Variants in DDX50 observed in about 807,000 individuals in gnomAD.
The protein encoded by DDX50 is ATP-dependent RNA helicase DDX50.
DDX50 carries 56 observed loss-of-function variants against 94.8 expected under a neutral mutation model. The observed-to-expected ratio is 0.59, with a 90% CI of 0.48 to 0.74. The LOEUF is 0.74. Ranked by LOEUF, DDX50 falls within the 30% of genes least tolerant of loss-of-function variation. DDX50 has a pLI of 0.00. For missense variants in DDX50, 713 were observed against 881.2 expected (o/e 0.81, Z 2.42); for synonymous variants, 264 against 295.4 (o/e 0.89, Z 1.09).
chr10:68,913,084 C>G (rs1351318027), intron 4 of DDX50, 78 bp from the exon 5 acceptor site: 5 of 1,192,690 alleles, frequency 4.2e-6, no homozygotes, highest in Non-Finnish European at 5.9e-6. Context: ...TTAAATGCAC[C>G]TAAAAAAAGT....
chr10:68,941,331 G>T lies in DDX50; in HGVS notation c.1890+137G>T, dbSNP rs371419912. Reference sequence around the variant, plus strand: ...TTTTTTCTCTGTTAGTTTGTTTCCAGTTATAAATTTGGGGCATTATATATG... The same window carrying T: ...TTTTTTCTCTGTTAGTTTGTTTCCATTTATAAATTTGGGGCATTATATATG... On this transcript the variant is annotated intron_variant, in intron 13 of 14. Transcript: ENST00000373585. The T allele has an allele frequency of 2.1e-5, 26 of 1,212,370 alleles. No homozygotes were observed. In the East Asian group the frequency reaches 5.2e-4, roughly 24 times the overall value. 75.1% of individuals were successfully genotyped at this position (1,212,370 alleles called of 1,614,324 possible). A position where few individuals can be genotyped will look rare whatever the true frequency, so the allele number is the denominator to read the frequency against.
Position 68,901,403 on chromosome 10 carries a change from T to TG in DDX50, c.25dup (p.Asp9GlyfsTer23), listed in dbSNP as rs868228457. 4 of 1,565,852 alleles carry TG rather than the reference T, an allele frequency of 2.6e-6. No homozygotes were observed. The highest frequency in any genetic ancestry group is 2.6e-6 in the Non-Finnish European group (3 of 1,156,048). On this transcript the variant is annotated frameshift_variant, in exon 1 of 15. Transcript: ENST00000373585. LOFTEE classifies it high-confidence loss of function. Reference sequence around the variant, plus strand: ...GCCAGTAATGCCTGGGAAACTCCTCTGGGGGGACATTATGGAGCTGGAAGC... The same window carrying TG: ...GCCAGTAATGCCTGGGAAACTCCTCTGGGGGGGACATTATGGAGCTGGAAGC...
intron 6 of DDX50, 61 bp downstream of exon 6, chr10:68,913,637 G>A (rs764510073): frequency 3.9e-4 from 579 of 1,489,930 alleles, no homozygotes; most frequent in Middle Eastern, 8.8e-4. Context: ...ATGCAAACGA[G>A]TTTTTATTTA....
chr10:68,928,473 C>T (rs1030894563), intron 8 of DDX50, among the ~76,000 whole-genome samples: 1 of 152,268 alleles, frequency 6.6e-6, no homozygotes, highest in East Asian at 1.9e-4. Context: ...GAGTTTAAAA[C>T]CAGCCTGGGC....
chr10:68,904,747 C>T (rs577892296), intron 1 of DDX50, among the ~76,000 whole-genome samples: 1 of 152,336 alleles, frequency 6.6e-6, no homozygotes, highest in South Asian at 2.1e-4. Context: ...GCAATTCAAG[C>T]CCCAAGGCTG....
At chr10:68,944,357 A>G (rs2132067121) in intron 14 of DDX50, among the ~76,000 whole-genome samples, 1 of 152,254 alleles carries the variant, frequency 6.6e-6, no homozygotes, top group East Asian at 1.9e-4. Context: ...TCTGTTGAAG[A>G]AGGAAGTTGT....
chr10:68,908,319 C>T (rs1229298962), intron 2 of DDX50, among the ~76,000 whole-genome samples: 8 of 151,784 alleles, frequency 5.3e-5, no homozygotes, highest in Admixed American at 2.0e-4. Flanking sequence ...GGTGTGGTGG[C>T]GCATGCCTGT....
intron 12 of DDX50, among the ~76,000 whole-genome samples, chr10:68,938,179 A>G (rs1448290333): frequency 1.3e-5 from 2 of 152,210 alleles, no homozygotes; most frequent in Non-Finnish European, 2.9e-5. Flanking sequence ...CAGAACCTAC[A>G]TTTCATTTTG....
At chr10:68,943,056 A>G (rs925719140) in intron 13 of DDX50, among the ~76,000 whole-genome samples, 157 bp from the exon 14 acceptor site, 9 of 152,224 alleles carry the variant, frequency 5.9e-5, no homozygotes, top group African/African-American at 2.2e-4. Flanking sequence ...GTAGATTCTT[A>G]GCAGTAGTTG....
intron 8 of DDX50, among the ~76,000 whole-genome samples, chr10:68,926,195 T>A (rs867080741): frequency 1.8e-4 from 25 of 139,428 alleles, no homozygotes; most frequent in South Asian, 7.2e-4. Flanking sequence ...ATAAATAAAA[T>A]AAAATAAAAT....
intron 8 of DDX50, among the ~76,000 whole-genome samples, chr10:68,929,272 C>T (rs1471672738): frequency 1.3e-5 from 1 of 78,782 alleles, no homozygotes; most frequent in African/African-American, 4.4e-5. Context: ...TTCCTTCCTT[C>T]CTTCCTTCCT....
chr10:68,935,734 C>T (rs894143022), intron 10 of DDX50, among the ~76,000 whole-genome samples: 1 of 152,102 alleles, frequency 6.6e-6, no homozygotes, highest in South Asian at 2.1e-4. Context: ...ACTATGGAGG[C>T]TGAGGCAGGA....
chr10:68,944,429 C>CTCAT (rs1842619302), intron 14 of DDX50, among the ~76,000 whole-genome samples: 4 of 152,150 alleles, frequency 2.6e-5, no homozygotes, highest in African/African-American at 9.7e-5. Flanking sequence ...TATATACCTA[C>CTCAT]TTTGAAACAA....
chr10:68,926,164 C>A (rs61868281), intron 8 of DDX50, among the ~76,000 whole-genome samples: 139 of 508 alleles, frequency 0.27, 16 homozygotes, highest in Non-Finnish European at 0.33. Context: ...GGCGACAGAG[C>A]GAAACTCCGT....
chr10:68,937,159 T>TGTA, intron 12 of DDX50, 64 bp downstream of exon 12: 1 of 1,435,054 alleles, frequency 7.0e-7, no homozygotes, highest in Non-Finnish European at 9.3e-7. Flanking sequence ...TAGGAAATAT[T>TGTA]GTAGTGAATT....
intron 7 of DDX50, among the ~76,000 whole-genome samples, chr10:68,919,407 C>T (rs1298528550): frequency 1.3e-5 from 2 of 152,138 alleles, no homozygotes; most frequent in Admixed American, 6.6e-5. Context: ...GGAAAGTTCC[C>T]TCATGCCCCG....
In DDX50 at chr10:68,934,960, T is replaced by C. The variant is rs759878528; in HGVS notation, c.1521+42T>C. The C allele has an allele frequency of 6.3e-7, 1 of 1,592,794 alleles. No individual in the cohort carries two copies. The highest frequency in any genetic ancestry group is 1.8e-5 in the Admixed American group (1 of 56,322). On this transcript the variant is annotated intron_variant, in intron 10 of 14. Coordinates refer to ENST00000373585, the MANE Select transcript of DDX50 (RefSeq NM_024045.2). This position sits in a 1 kb window ranked among gnomAD's most constrained non-coding sequence, Gnocchi z 4.0. ...TATTTCAGGCTTATTGTCTAAATGG[T>C]GCCTTAAAAGAGAGCTCTTCTTATA...
At chr10:68,936,515 A>T (rs868782995) in intron 11 of DDX50, among the ~76,000 whole-genome samples, 35 of 53,134 alleles carry the variant, frequency 6.6e-4, no homozygotes, top group African/African-American at 1.7e-3. Context: ...AAAAAAAAAA[A>T]ATATATATAT....
At position 68,914,041 on chromosome 10, in the gene DDX50, T is replaced by G. The variant is rs1432588455; in HGVS notation, c.944-18T>G. The G allele has an allele frequency of 6.4e-7, 1 of 1,557,196 alleles. No individual in the cohort carries two copies. Among genetic ancestry groups the G allele is most frequent in the African/African-American group, 1.4e-5 (1 of 71,004 alleles). On this transcript the variant is annotated intron_variant, in intron 6 of 14. Coordinates refer to ENST00000373585, the MANE Select transcript of DDX50 (RefSeq NM_024045.2). Reference sequence around the variant, plus strand: ...TGGGAAATTAAGAAAACATTTGAATTCTTTTTGTTTATTTAAGATTCTGAA... The same window carrying G: ...TGGGAAATTAAGAAAACATTTGAATGCTTTTTGTTTATTTAAGATTCTGAA...
Sources: gnomAD v4.1 joint callset for allele counts (sites outside exome capture counted in the v4.1 genomes callset) on GRCh38, gnomAD v4.1.1 for gene constraint, Gnocchi (gnomAD v3.1) non-coding constraint, MANE v1.5 for transcripts, NCBI Gene and HGNC (gene_info 2026-07-23, HGNC 2026-07-21) for gene names.